The following LPO variants were observed in gnomAD, a reference collection of about 807,000 sequenced individuals.
LPO encodes lactoperoxidase.
A neutral mutation model predicts 68.4 loss-of-function variants in LPO; 70 were observed. That is an observed-to-expected ratio of 1.02 (90% CI 0.84 to 1.25). The LOEUF is 1.25. Ranked by LOEUF, LPO falls within the 50% of genes most tolerant of loss-of-function variation. The pLI, the probability that LPO is intolerant of heterozygous loss-of-function variation, is 0.00. For missense variants in LPO, 873 were observed against 908.4 expected, an observed-to-expected ratio of 0.96 and a Z score of 0.50; for synonymous variants, 360 against 357.6, an observed-to-expected ratio of 1.01 and a Z score of -0.08.
intron 8 of LPO, 48 bp downstream of exon 8, chr17:58,252,554 C>G: frequency 6.4e-7 from 1 of 1,552,148 alleles, no homozygotes; most frequent in South Asian, 1.2e-5. Flanking sequence ...GGGGATTATC[C>G]AGGGAAGCTT....
In LPO at chr17:58,252,169, ACT is replaced by A; in HGVS notation, c.781-6_781-5del. 2.5e-6 allele frequency: 4 copies of A among 1,611,086 alleles called. No homozygotes were observed. The highest frequency in any genetic ancestry group is 1.7e-4 in the Middle Eastern group (1 of 6,052). ...CACCCCTGCCCAGTCACTTATGCCC[ACT>A]CTCTCTGCAGTTCCCACCCAATGAC... On this transcript the variant is annotated splice_polypyrimidine_tract_variant and intron_variant, in intron 7 of 12. Coordinates refer to ENST00000262290, the MANE Select transcript of LPO (RefSeq NM_006151.3).
At chr17:58,249,781 G>T (rs565306836) in intron 6 of LPO, 86 bp downstream of exon 6, 223 of 1,452,530 alleles carry the variant, frequency 1.5e-4, no homozygotes, top group Non-Finnish European at 2.0e-4. Context: ...GGAGGAGGAG[G>T]GATCGGTGGG....
At chr17:58,255,020 C>A (rs755090419) in intron 9 of LPO, 49 bp downstream of exon 9, 1 of 1,593,036 alleles carries the variant, frequency 6.3e-7, no homozygotes, top group South Asian at 1.1e-5. Flanking sequence ...GGCTCCCACT[C>A]CTGGCTCTGC....
chr17:58,267,466 C>A lies in LPO; in HGVS notation c.1811C>A (p.Pro604His). The A allele has an allele frequency of 6.2e-7, 1 of 1,614,212 alleles. No homozygotes were observed. The highest frequency in any genetic ancestry group is 8.5e-7 in the Non-Finnish European group (1 of 1,180,012). ...AKKLLGLYGTPDNIDIWIGAI... is the reference protein window; with the variant it reads ...AKKLLGLYGTHDNIDIWIGAI... ...AAGTTACTGGGTCTCTACGGGACCC[C>A]TGACAACATCGACATCTGGATAGGG... The change falls in exon 12 of 13, where the codon CCT becomes CAT. Residue 604 changes from proline to histidine, a missense_variant. Transcript: ENST00000262290.
At chr17:58,259,979 C>T (rs1970145438) in intron 9 of LPO, among the ~76,000 whole-genome samples, 1 of 152,178 alleles carries the variant, frequency 6.6e-6, no homozygotes, top group South Asian at 2.1e-4. Flanking sequence ...CCATGCCCGG[C>T]TAATTTCTGT....
chr17:58,245,843 G>A (rs924777716), intron 3 of LPO, among the ~76,000 whole-genome samples: 6 of 152,200 alleles, frequency 3.9e-5, no homozygotes, highest in Non-Finnish European at 8.8e-5. Context: ...ATGGGGGACA[G>A]CATAAAAGCC....
rs373385308 is a variant in LPO, at chr17:58,250,502, G to A, written c.661G>A (p.Gly221Ser). 6.2e-7 allele frequency: 1 copy of A among 1,613,992 alleles called. No homozygotes were observed. The highest frequency in any genetic ancestry group is 8.5e-7 in the Non-Finnish European group (1 of 1,180,034). The part of the protein sequence containing the change: ...QNRSLLFMQW[G>S]QIVDHDLDFA... ...CAGGTCCCTGCTCTTCATGCAGTGG[G>A]GTCAGATTGTGGATCATGACCTGGA... is the stretch of plus-strand genomic sequence containing the variant. The change falls in exon 7 of 13, where the codon GGT becomes AGT. Residue 221 changes from glycine to serine, a missense_variant. Gly to Ser is a moderately conservative substitution (Grantham distance 56). Coordinates refer to ENST00000262290, the MANE Select transcript of LPO (RefSeq NM_006151.3).
In LPO at chr17:58,264,879, T is replaced by C; in HGVS notation, c.1424T>C (p.Met475Thr). The C allele has an allele frequency of 6.2e-7, 1 of 1,614,248 alleles. No individual in the cohort carries two copies. The highest frequency in any genetic ancestry group is 1.3e-5 in the African/African-American group (1 of 75,074). ...GGCCACTTGGAGGTCCCCTCTAGTATGTTCCGCCTGGATGAGAATTATCAG... is the reference window on the plus strand; with the variant it reads ...GGCCACTTGGAGGTCCCCTCTAGTACGTTCCGCCTGGATGAGAATTATCAG... ...RFGHLEVPSS[M>T]FRLDENYQPW... The change falls in exon 10 of 13, where the codon ATG becomes ACG. Residue 475 changes from methionine to threonine, a missense_variant. Transcript: ENST00000262290.
intron 2 of LPO, 71 bp from the exon 3 acceptor site, chr17:58,243,923 A>G: frequency 3.0e-6 from 3 of 1,011,740 alleles, no homozygotes; most frequent in Non-Finnish European, 4.7e-6. Flanking sequence ...AAAGAGGGAG[A>G]CAAAAGCAGA....
chr17:58,250,034 G>A (rs918825934), intron 6 of LPO, among the ~76,000 whole-genome samples: 2 of 152,120 alleles, frequency 1.3e-5, no homozygotes, highest in African/African-American at 4.8e-5. Context: ...GCCTTATCGA[G>A]CTGGCAGCCC....
Position 58,264,938 on chromosome 17 carries a change from A to G in LPO, c.1483A>G (p.Thr495Ala). 1 of 1,613,994 alleles carries G rather than the reference A, an allele frequency of 6.2e-7. No homozygotes were observed. The highest frequency in any genetic ancestry group is 1.1e-5 in the South Asian group (1 of 91,064). ...WGPEPELPLHTLFFNTWRMVK... is the reference protein window; with the variant it reads ...WGPEPELPLHALFFNTWRMVK... ...GCCAGAACCAGAACTCCCCCTCCAC[A>G]CCCTCTTCTTCAACACTTGGAGGAT... Residue 495 changes from threonine (T) to alanine (A), a missense_variant, in exon 10 of 13, where the codon ACC becomes GCC. Thr to Ala is a moderately conservative substitution (Grantham distance 58). Coordinates refer to ENST00000262290, the MANE Select transcript of LPO (RefSeq NM_006151.3).
chr17:58,251,051 G>A (rs1035273181), intron 7 of LPO: 1 of 196,464 alleles, frequency 5.1e-6, no homozygotes. Context: ...GGCTGAGGTG[G>A]ACAGATCACC....
chr17:58,252,511 G>A lies in LPO; in HGVS notation c.1105+5G>A. On this transcript the variant is annotated splice_donor_5th_base_variant and intron_variant, in intron 8 of 12. Transcript: ENST00000262290. The stretch of plus-strand genomic sequence containing the variant: ...GTGTGCCCTGCTTCCTGGCAGGTGA[G>A]TCTAGCCTGGGAACAGAAGGGCCCA... The A allele has an allele frequency of 4.4e-6, 7 of 1,608,466 alleles. No homozygotes were observed. The highest frequency in any genetic ancestry group is 6.0e-6 in the Non-Finnish European group (7 of 1,176,272).
intron 9 of LPO, among the ~76,000 whole-genome samples, chr17:58,256,730 C>T (rs1970079623): frequency 6.6e-6 from 1 of 151,072 alleles, no homozygotes; most frequent in South Asian, 2.1e-4. Context: ...AGGAGAATCG[C>T]TTGAACCCAG....
intron 10 of LPO, among the ~76,000 whole-genome samples, chr17:58,265,332 G>T (rs1970242875): frequency 6.6e-6 from 1 of 152,090 alleles, no homozygotes; most frequent in Admixed American, 6.5e-5. Context: ...TACAGGGTTT[G>T]GTAAATAAAT....
chr17:58,259,644 A>G (rs985268171), intron 9 of LPO, among the ~76,000 whole-genome samples: 1 of 152,230 alleles, frequency 6.6e-6, no homozygotes, highest in Non-Finnish European at 1.5e-5. Flanking sequence ...ATTGCATTAA[A>G]ATTATATATA....
chr17:58,254,152 T>TATAGATATATAGATATATATATAG (rs1555605278), intron 8 of LPO, among the ~76,000 whole-genome samples: 1 of 133,322 alleles, frequency 7.5e-6, no homozygotes, highest in African/African-American at 3.0e-5. Context: ...TATATAGATA[T>TATAGATATATAGATATATATATAG]ATAGATAGAT....
intron 9 of LPO, among the ~76,000 whole-genome samples, chr17:58,262,404 C>CT (rs1598032038): frequency 6.6e-6 from 1 of 152,098 alleles, no homozygotes; most frequent in Non-Finnish European, 1.5e-5. Context: ...TTCTTTGTTT[C>CT]TTTGAGACAG....
intron 3 of LPO, among the ~76,000 whole-genome samples, chr17:58,246,584 C>A (rs996297692): frequency 6.6e-6 from 1 of 152,106 alleles, no homozygotes; most frequent in African/African-American, 2.4e-5. Context: ...CAGGGCCGGG[C>A]GGGAAAGGAA....
Sources: allele counts gnomAD v4.1 joint callset (sites outside exome capture counted in the v4.1 genomes callset), GRCh38; gene constraint gnomAD v4.1.1; transcripts MANE v1.5; gene names NCBI Gene and HGNC (gene_info 2026-07-23, HGNC 2026-07-21).